The following ZNF320 variants were observed in gnomAD, a reference collection of about 807,000 sequenced individuals.
ZNF320 encodes zinc finger gene 320.
A neutral mutation model predicts 6.8 loss-of-function variants in ZNF320; 2 were observed. That is an observed-to-expected ratio of 0.29 (90% CI 0.12 to 0.93). ZNF320 has a LOEUF of 0.93. Ranked by LOEUF, ZNF320 falls within the 40% of genes least tolerant of loss-of-function variation. ZNF320 has a pLI of 0.55. For synonymous variants in ZNF320, 208 were observed against 203.2 expected (o/e 1.02, Z -0.20); for missense variants, 472 against 611.0 (o/e 0.77, Z 2.40).
intron 5 of ZNF320, among the ~76,000 whole-genome samples, chr19:52,868,297 G>T (rs1031268483): frequency 6.6e-6 from 1 of 152,068 alleles, no homozygotes; most frequent in East Asian, 1.9e-4. Context: ...ACCTGAGGTC[G>T]GGAGTTCGAG....
rs1009957440 is a variant in ZNF320, at chr19:52,880,565, A to T, written c.*31T>A. 3.8e-6 allele frequency: 6 copies of T among 1,558,506 alleles called. No homozygotes were observed. The African/African-American group carries it at 8.2e-5, about 21-fold the overall frequency. ...TTGAAATCAATGTTAAGTCAACTCA[A>T]ACTCAGGTCAATGCTGATTTGACTC... On this transcript the variant is annotated 3_prime_UTR_variant, in exon 6 of 6. Transcript: ENST00000682928.
intron 5 of ZNF320, among the ~76,000 whole-genome samples, chr19:52,883,176 G>A (rs1205402728): frequency 6.6e-6 from 1 of 151,866 alleles, no homozygotes; most frequent in Non-Finnish European, 1.5e-5. Context: ...CGAGCACCTG[G>A]GATTACAGGC....
At chr19:52,903,879 T>G in the ZNF320 span, among the ~76,000 whole-genome samples, 1 of 152,148 alleles carries the variant, frequency 6.6e-6, no homozygotes, top group Non-Finnish European at 1.5e-5. Context: ...CTAAAGTATC[T>G]AACAATTCAA....
chr19:52,868,272 C>T (rs1050718170), intron 5 of ZNF320, among the ~76,000 whole-genome samples: 2 of 152,046 alleles, frequency 1.3e-5, no homozygotes, highest in Admixed American at 6.6e-5. Flanking sequence ...TTTGGAAGAC[C>T]GCGGTGGGTG....
At chr19:52,890,497 G>A in intron 3 of ZNF320, 169 bp from the exon 4 acceptor site, 1 of 558,448 alleles carries the variant, frequency 1.8e-6, no homozygotes. Flanking sequence ...CCCTACTGGA[G>A]GAGTCCACAC....
chr19:52,904,111 G>A, the ZNF320 span, among the ~76,000 whole-genome samples: 8 of 152,370 alleles, frequency 5.3e-5, no homozygotes, highest in East Asian at 1.2e-3. Context: ...GTCTTACCAA[G>A]TTTCAGATGT....
chr19:52,887,139 A>T (rs2064117306), intron 5 of ZNF320, among the ~76,000 whole-genome samples: 1 of 152,134 alleles, frequency 6.6e-6, no homozygotes, highest in African/African-American at 2.4e-5. Flanking sequence ...GAATTCTCCC[A>T]CTTGCAGAGA....
At chr19:52,889,609 A>G (rs1362191021) in intron 4 of ZNF320, among the ~76,000 whole-genome samples, 2 of 152,182 alleles carry the variant, frequency 1.3e-5, no homozygotes, top group East Asian at 3.9e-4. Context: ...CACAGTCTCC[A>G]TGAGCGTAAT....
chr19:52,863,788 C>T (rs1229118700), exon 6 of ZNF320: 1 of 189,880 alleles, frequency 5.3e-6, no homozygotes, highest in Non-Finnish European at 1.1e-5. Flanking sequence ...AATCCCAGCA[C>T]TTTAGAGGCC....
intron 5 of ZNF320, among the ~76,000 whole-genome samples, chr19:52,870,008 G>A (rs1303931104): frequency 5.3e-5 from 8 of 151,326 alleles, no homozygotes; most frequent in Non-Finnish European, 7.4e-5. Context: ...CAGCCACAGC[G>A]CCCATCCTAA....
rs1215353037 is a variant in ZNF320, at chr19:52,887,004, AG to A, written c.142+1122del. Among the ~76,000 whole-genome samples the A allele has an allele frequency of 1.2e-3, 94 of 81,254 alleles. 1 individual carries two copies. Among genetic ancestry groups the A allele is most frequent in the African/African-American group, 4.7e-3 (93 of 19,652 alleles). The allele number at this position is 81,254 out of a possible 152,430, so 53.3% of individuals were successfully genotyped here. ...AAGGAAGGAAGGAAGGAAGGAAGGA[AG>A]GAAAAGAAAAAACAAAACAAAAGAA... On this transcript the variant is annotated intron_variant, in intron 5 of 5. Coordinates refer to ENST00000682928, the MANE Select transcript of ZNF320 (RefSeq NM_001351774.2).
intron 5 of ZNF320, among the ~76,000 whole-genome samples, 169 bp from the exon 6 acceptor site, chr19:52,882,152 A>G (rs1600619866): frequency 6.6e-6 from 1 of 152,224 alleles, no homozygotes; most frequent in African/African-American, 2.4e-5. Flanking sequence ...ATAAAGGCCA[A>G]TTACATGTAC....
At chr19:52,883,984 C>T (rs767302956) in intron 5 of ZNF320, among the ~76,000 whole-genome samples, 15 of 152,168 alleles carry the variant, frequency 9.9e-5, no homozygotes, top group Non-Finnish European at 1.8e-4. Context: ...CCTGCAGATG[C>T]AGACTTTGAG....
upstream of ZNF320, among the ~76,000 whole-genome samples, chr19:52,898,933 T>C (rs1252337314): frequency 1.3e-5 from 2 of 152,244 alleles, no homozygotes; most frequent in Non-Finnish European, 2.9e-5. Context: ...TTTACTTTCT[T>C]GTTGTTTTTT....
intron 5 of ZNF320, chr19:52,883,799 T>G: frequency 6.3e-6 from 2 of 315,354 alleles, no homozygotes; most frequent in Non-Finnish European, 1.2e-5. Context: ...TACTTGGGAA[T>G]CTGAGGCAGG....
At chr19:52,886,848 T>C (rs2064094810) in intron 5 of ZNF320, among the ~76,000 whole-genome samples, 1 of 151,574 alleles carries the variant, frequency 6.6e-6, no homozygotes, top group Non-Finnish European at 1.5e-5. Context: ...GGCACAAGAA[T>C]CCTTTGAGCC....
chr19:52,873,917 G>C (rs899704042), downstream of ZNF320: 126 of 368,516 alleles, frequency 3.4e-4, no homozygotes, highest in African/African-American at 2.3e-3. Context: ...AGACTCACAG[G>C]AGACTGACTA....
intron 5 of ZNF320, among the ~76,000 whole-genome samples, chr19:52,870,035 A>G (rs1450886269): frequency 6.7e-6 from 1 of 150,340 alleles, no homozygotes; most frequent in Non-Finnish European, 1.5e-5. Context: ...TATTTTTAGT[A>G]GAGACAGGGT....
chr19:52,883,708 G>C (rs920715949), intron 5 of ZNF320: 3 of 410,428 alleles, frequency 7.3e-6, no homozygotes, highest in African/African-American at 2.1e-5. Context: ...GACCAGCCTG[G>C]AACAAATGGT....
Sources: allele counts gnomAD v4.1 joint callset (sites outside exome capture counted in the v4.1 genomes callset), GRCh38; gene constraint gnomAD v4.1.1; transcripts MANE v1.5; gene names NCBI Gene and HGNC (gene_info 2026-07-23, HGNC 2026-07-21).